The following MAGI2 variants were observed in gnomAD, a reference collection of about 807,000 sequenced individuals.
MAGI2 encodes the protein membrane-associated guanylate kinase, WW and PDZ domain-containing protein 2.
Under a neutral mutation model 133.3 loss-of-function variants are expected in MAGI2, and 35 were observed. That is an observed-to-expected ratio of 0.26 (90% CI 0.20 to 0.35). The LOEUF is 0.35. MAGI2 is among the 10% of genes least tolerant of loss of function. MAGI2 has a pLI of 1.00. For synonymous variants in MAGI2, 729 were observed against 710.6 expected, an observed-to-expected ratio of 1.03 and a Z score of -0.41; for missense variants, 1,636 against 1,863.4, an observed-to-expected ratio of 0.88 and a Z score of 2.25.
intron 9 of MAGI2, among the ~76,000 whole-genome samples, chr7:78,339,150 T>G (rs78297618): frequency 0.069 from 10,500 of 152,316 alleles, 482 homozygotes; most frequent in South Asian, 0.13. Flanking sequence ...TGAGAAACAG[T>G]TCTGTGTTCT....
chr7:78,736,309 C>G (rs561655813), intron 2 of MAGI2, among the ~76,000 whole-genome samples: 3 of 152,130 alleles, frequency 2.0e-5, no homozygotes, highest in African/African-American at 7.2e-5. Context: ...AGATTAGATT[C>G]ATATTCTAAA....
intron 2 of MAGI2, among the ~76,000 whole-genome samples, chr7:79,002,511 ATTC>A (rs1806973126): frequency 2.0e-5 from 3 of 152,114 alleles, no homozygotes; most frequent in Non-Finnish European, 2.9e-5. Context: ...GTGCCCAACA[ATTC>A]TTCTTTTTTA....
intron 2 of MAGI2, among the ~76,000 whole-genome samples, chr7:78,815,568 A>G (rs1489063173): frequency 2.0e-5 from 3 of 152,094 alleles, no homozygotes; most frequent in African/African-American, 7.2e-5. Context: ...GTCTATTGGT[A>G]CCATTTTCCC....
chr7:79,298,086 G>A (rs1460793762), intron 1 of MAGI2, among the ~76,000 whole-genome samples: 2 of 152,034 alleles, frequency 1.3e-5, no homozygotes, highest in African/African-American at 4.8e-5. Context: ...ATAAGTTATG[G>A]TTTGTTTTTT....
intron 9 of MAGI2, among the ~76,000 whole-genome samples, chr7:78,261,176 G>T (rs1454864491): frequency 6.6e-6 from 1 of 152,042 alleles, no homozygotes; most frequent in East Asian, 1.9e-4. Flanking sequence ...TTGATCTCTT[G>T]ATCAGCTGTT....
intron 2 of MAGI2, among the ~76,000 whole-genome samples, chr7:78,995,457 AC>A (rs1806200207): frequency 1.3e-5 from 2 of 152,264 alleles, no homozygotes; most frequent in Admixed American, 1.3e-4. Flanking sequence ...ATAATTTGGA[AC>A]CTGATTGATT....
chr7:78,468,428 G>A (rs985155180), intron 6 of MAGI2, among the ~76,000 whole-genome samples: 1 of 151,902 alleles, frequency 6.6e-6, no homozygotes, highest in African/African-American at 2.4e-5. Context: ...TTCTATGTGT[G>A]TATATCAAAT....
intron 9 of MAGI2, among the ~76,000 whole-genome samples, chr7:78,256,996 C>T (rs975222267): frequency 6.6e-6 from 1 of 152,074 alleles, no homozygotes. Flanking sequence ...AAACAAAGCC[C>T]TAGCATATTT....
At chr7:78,670,067 G>T (rs900386342) in intron 2 of MAGI2, among the ~76,000 whole-genome samples, 1 of 151,560 alleles carries the variant, frequency 6.6e-6, no homozygotes, top group Non-Finnish European at 1.5e-5. Context: ...GGAAGTTCTG[G>T]CCAGGGCAAT....
intron 2 of MAGI2, among the ~76,000 whole-genome samples, chr7:78,864,424 T>C (rs771408364): frequency 6.6e-6 from 1 of 152,226 alleles, no homozygotes; most frequent in Non-Finnish European, 1.5e-5. Context: ...CAAGCTAGAA[T>C]TGGCATCCAA....
chr7:79,344,305 C>T (rs1049252049), intron 1 of MAGI2, among the ~76,000 whole-genome samples: 2 of 151,982 alleles, frequency 1.3e-5, no homozygotes, highest in African/African-American at 2.4e-5. Context: ...TAATTACTTA[C>T]TCCCAAGATG....
chr7:78,258,549 T>A (rs1370982711), intron 9 of MAGI2, among the ~76,000 whole-genome samples: 2 of 152,120 alleles, frequency 1.3e-5, no homozygotes, highest in Non-Finnish European at 2.9e-5. Context: ...TTGCCCTATT[T>A]GAGGTTTGTT....
At chr7:79,070,925 C>T (rs1361736250) in intron 1 of MAGI2, among the ~76,000 whole-genome samples, 1 of 152,164 alleles carries the variant, frequency 6.6e-6, no homozygotes, top group Admixed American at 6.5e-5. Context: ...TTATTACCCA[C>T]CTTCTGAAGC....
chr7:79,307,222 T>C (rs1837898123), intron 1 of MAGI2, among the ~76,000 whole-genome samples: 1 of 152,174 alleles, frequency 6.6e-6, no homozygotes, highest in Admixed American at 6.5e-5. Context: ...TTTGAATGAA[T>C]GCTTTATTAG....
chr7:78,762,166 G>A (rs1443637853), intron 2 of MAGI2, among the ~76,000 whole-genome samples: 4 of 36,932 alleles, frequency 1.1e-4, no homozygotes, highest in Non-Finnish European at 1.8e-4. Flanking sequence ...ATTTTTGGCC[G>A]GGCATGGTGG....
At chr7:79,240,700 G>C (rs928561534) in intron 1 of MAGI2, among the ~76,000 whole-genome samples, 4 of 152,134 alleles carry the variant, frequency 2.6e-5, no homozygotes, top group Admixed American at 1.3e-4. Context: ...GCTGTATTGA[G>C]CAGCTTTGCA....
chr7:78,722,936 A>T (rs1820404944), intron 2 of MAGI2, among the ~76,000 whole-genome samples: 1 of 152,120 alleles, frequency 6.6e-6, no homozygotes, highest in Non-Finnish European at 1.5e-5. Flanking sequence ...TCATAGAATT[A>T]TAGTTGGCTT....
intron 16 of MAGI2, among the ~76,000 whole-genome samples, chr7:78,143,459 G>C (rs1822968952): frequency 6.6e-6 from 1 of 151,928 alleles, no homozygotes. Flanking sequence ...ATTTATTACA[G>C]AGCCTCATCA....
intron 1 of MAGI2, among the ~76,000 whole-genome samples, chr7:79,263,997 G>T (rs974624323): frequency 6.6e-6 from 1 of 152,144 alleles, no homozygotes; most frequent in Non-Finnish European, 1.5e-5. Context: ...TGGCAGAAAT[G>T]TAATGAGAGT....
Sources: gnomAD v4.1 joint callset for allele counts (sites outside exome capture counted in the v4.1 genomes callset) on GRCh38, gnomAD v4.1.1 for gene constraint, MANE v1.5 for transcripts, NCBI Gene and HGNC (gene_info 2026-07-23, HGNC 2026-07-21) for gene names.